The following IDH2 variants were observed in gnomAD, a reference collection of about 807,000 sequenced individuals.
IDH2 encodes the protein isocitrate dehydrogenase (NADP(+)) 2, also known as isocitrate dehydrogenase [NADP], mitochondrial.
A neutral mutation model predicts 50.5 loss-of-function variants in IDH2; 18 were observed. The observed-to-expected ratio is 0.36, with a 90% CI of 0.25 to 0.53. The LOEUF (loss-of-function observed/expected upper bound fraction) is 0.53. IDH2 is among the 20% of genes least tolerant of loss of function. IDH2 has a pLI of 0.92. For synonymous variants in IDH2, 280 were observed against 239.8 expected, an observed-to-expected ratio of 1.17 and a Z score of -1.55; for missense variants, 518 against 610.7, an observed-to-expected ratio of 0.85 and a Z score of 1.60.
At chr15:90,099,743 C>A (rs1360901884) in intron 1 of IDH2, among the ~76,000 whole-genome samples, 2 of 152,150 alleles carry the variant, frequency 1.3e-5, no homozygotes, top group African/African-American at 2.4e-5. Context: ...CAGGTGTAAG[C>A]CACAGTGCCT....
Position 90,085,705 on chromosome 15 carries a change from C to T in IDH2, c.968-318G>A, listed in dbSNP as rs1009119265. On this transcript the variant is annotated intron_variant, in intron 7 of 10. Transcript: ENST00000330062. The surrounding 1 kb of genome is among the most constrained non-coding windows in gnomAD (Gnocchi z 5.5). ...AAGAGGCCACAGAGTCCTGTGGTCC[C>T]CCACAGCCTGCCACCCAGCCTGGCT... 1.3e-5 allele frequency among the ~76,000 whole-genome samples: 2 copies of T among 152,232 alleles called. No individual in the cohort carries two copies. Among genetic ancestry groups the T allele is most frequent in the Non-Finnish European group, 2.9e-5 (2 of 68,046 alleles).
rs1327318340 is a variant in IDH2, at chr15:90,083,973, G to A, written c.*293C>T. ...CCTCCCCTCAGGGACAAACACAGCA[G>A]ACAATTTTGTGAAGAGCTTTTTAGT... is the stretch of plus-strand genomic sequence containing the variant. On this transcript the variant is annotated 3_prime_UTR_variant, in exon 11 of 11. Coordinates refer to ENST00000330062, the MANE Select transcript of IDH2 (RefSeq NM_002168.4). 1.4e-5 allele frequency: 7 copies of A among 491,230 alleles called. No individual in the cohort carries two copies. The highest frequency in any genetic ancestry group is 2.2e-5 in the Non-Finnish European group (6 of 267,392). The allele number at this position is 491,230 out of a possible 1,614,324, so 30.4% of individuals were successfully genotyped here. A position where few individuals can be genotyped will look rare whatever the true frequency, so the allele number is the denominator to read the frequency against.
At position 90,098,694 on chromosome 15, in the gene IDH2, C is replaced by T. The variant is rs1169725235; in HGVS notation, c.115+3582G>A. Among the ~76,000 whole-genome samples the T allele has an allele frequency of 6.6e-6, 1 of 152,100 alleles. No homozygotes were observed. The highest frequency in any genetic ancestry group is 1.5e-5 in the Non-Finnish European group (1 of 68,028). ...GAGTAGCTGGGACTACAGGCGCCTG[C>T]CACCACACCCAGCTAATTTTTGTAT... On this transcript the variant is annotated intron_variant, in intron 1 of 10. Coordinates refer to ENST00000330062, the MANE Select transcript of IDH2 (RefSeq NM_002168.4). This position sits in a 1 kb window ranked among gnomAD's most constrained non-coding sequence, Gnocchi z 5.1.
intron 5 of IDH2, 101 bp from the exon 6 acceptor site, chr15:90,087,676 C>A (rs1423240343): frequency 2.9e-6 from 4 of 1,381,522 alleles, no homozygotes; most frequent in South Asian, 2.3e-5. Flanking sequence ...AGGAACGGTA[C>A]CCCGCCGCCC....
At chr15:90,091,509 G>T in intron 2 of IDH2, 44 bp downstream of exon 2, 1 of 1,481,092 alleles carries the variant, frequency 6.8e-7, no homozygotes. Flanking sequence ...ACAATCCCTG[G>T]CCAGCCCACC....
rs200994809 is a variant in IDH2 at position 90,090,540 on chromosome 15, G to A, written c.312C>T (p.Thr104=). The A allele has an allele frequency of 4.8e-4, 773 of 1,614,164 alleles. 17 individuals carry two copies. In the East Asian group the frequency reaches 0.017, roughly 36 times the overall value. Residue 104 remains threonine, a synonymous_variant, in exon 3 of 11, where the codon ACC becomes ACT. Coordinates refer to ENST00000330062, the MANE Select transcript of IDH2 (RefSeq NM_002168.4). ...ACTTGACAGCCACACTGTACTTCTG[G>A]GTGGCCAGTGCAGAGTCAATGGTGA... ...DQVTIDSALA[T]QKYSVAVKCA... is the part of the protein sequence containing the mutation.
At chr15:90,088,264 G>T in intron 5 of IDH2, 95 bp downstream of exon 5, 3 of 1,485,682 alleles carry the variant, frequency 2.0e-6, no homozygotes, top group Admixed American at 1.7e-5. Context: ...TGTGGCCTAA[G>T]AATGAGGCCA....
At chr15:90,102,125 G>T in intron 1 of IDH2, 151 bp downstream of exon 1, 1 of 323,310 alleles carries the variant, frequency 3.1e-6, no homozygotes, top group Non-Finnish European at 5.6e-6. Flanking sequence ...GGGGGAGCGC[G>T]GAGCGAAGCT....
At chr15:90,091,988 G>A (rs558951335) in intron 1 of IDH2, among the ~76,000 whole-genome samples, 1 of 152,176 alleles carries the variant, frequency 6.6e-6, no homozygotes. Flanking sequence ...CCTGGGAACT[G>A]CGCACACGAG....
intron 1 of IDH2, among the ~76,000 whole-genome samples, chr15:90,101,174 C>A (rs747255553): frequency 9.9e-5 from 15 of 152,148 alleles, no homozygotes; most frequent in South Asian, 2.1e-4. Flanking sequence ...CCTCCCTACC[C>A]CCCCGGCTCT....
Position 90,102,316 on chromosome 15 carries a change from G to A in IDH2, c.75C>T (p.Ala25=), listed in dbSNP as rs754996897. The A allele has an allele frequency of 8.3e-5, 113 of 1,357,120 alleles. 1 individual carries two copies. Among genetic ancestry groups the A allele is most frequent in the Non-Finnish European group, 1.0e-4 (108 of 1,044,386 alleles). 84.1% of individuals were successfully genotyped at this position (1,357,120 alleles called of 1,614,324 possible). A position where few individuals can be genotyped will look rare whatever the true frequency, so the allele number is the denominator to read the frequency against. The stretch of plus-strand genomic sequence containing the variant: ...GCTCTTGCGAGGTGGGGGCTGTCAG[G>A]GCCGCCGGCGCCCAGGCCGGCCGCG... ...SGSRPAWAPA[A]LTAPTSQEQP... is the part of the protein sequence containing the mutation. Residue 25 remains alanine (A), a synonymous_variant, in exon 1 of 11, where the codon GCC becomes GCT. Transcript: ENST00000330062.
chr15:90,085,501 C>T lies in IDH2; in HGVS notation c.968-114G>A. Reference sequence around the variant, plus strand: ...AGCTGCCATAGTTCGTGGCTCTACTCAGCCTCCCCCAGCTGCAACTGGGAG... The same window carrying T: ...AGCTGCCATAGTTCGTGGCTCTACTTAGCCTCCCCCAGCTGCAACTGGGAG... On this transcript the variant is annotated intron_variant, in intron 7 of 10. Transcript: ENST00000330062. The surrounding 1 kb of genome is among the most constrained non-coding windows in gnomAD (Gnocchi z 5.5). The T allele has an allele frequency of 1.3e-6, 1 of 759,894 alleles. No individual in the cohort carries two copies. Among genetic ancestry groups the T allele is most frequent in the Admixed American group, 2.0e-5 (1 of 49,962 alleles). The allele number at this position is 759,894 out of a possible 1,614,324, so 47.1% of individuals were successfully genotyped here.
intron 1 of IDH2, among the ~76,000 whole-genome samples, chr15:90,096,749 C>T (rs946494743): frequency 6.6e-6 from 1 of 152,016 alleles, no homozygotes; most frequent in Non-Finnish European, 1.5e-5. Flanking sequence ...CCTGACTCTA[C>T]TAAAAATACA....
chr15:90,089,630 G>A (rs1401327808), intron 3 of IDH2, among the ~76,000 whole-genome samples: 7 of 152,322 alleles, frequency 4.6e-5, no homozygotes, highest in African/African-American at 1.7e-4. Flanking sequence ...TGCAGGACAG[G>A]GGCAGGCCTG....
At chr15:90,089,601 C>T (rs1317504179) in intron 3 of IDH2, among the ~76,000 whole-genome samples, 1 of 152,238 alleles carries the variant, frequency 6.6e-6, no homozygotes, top group Admixed American at 6.5e-5. Flanking sequence ...GATCCCAGTG[C>T]TGTGGGTCAG....
In IDH2 at chr15:90,098,706, G is replaced by A. The variant is rs967295451; in HGVS notation, c.115+3570C>T. Among the ~76,000 whole-genome samples, 4 of 152,106 alleles carry A rather than the reference G, an allele frequency of 2.6e-5. No individual in the cohort carries two copies. The East Asian group carries it at 7.7e-4, about 29-fold the overall frequency. On this transcript the variant is annotated intron_variant, in intron 1 of 10. Coordinates refer to ENST00000330062, the MANE Select transcript of IDH2 (RefSeq NM_002168.4). The surrounding 1 kb of genome is among the most constrained non-coding windows in gnomAD (Gnocchi z 5.1). ...CTACAGGCGCCTGCCACCACACCCA[G>A]CTAATTTTTGTATTTTTAGTAGAGA...
At chr15:90,092,941 C>T (rs564194381) in intron 1 of IDH2, among the ~76,000 whole-genome samples, 3 of 152,300 alleles carry the variant, frequency 2.0e-5, no homozygotes, top group Admixed American at 6.5e-5. Context: ...CTGGACTCCC[C>T]ACCCCACCCC....
chr15:90,095,866 C>T lies in IDH2; in HGVS notation c.116-4222G>A, dbSNP rs1030815072. 2.6e-5 allele frequency among the ~76,000 whole-genome samples: 4 copies of T among 152,230 alleles called. No homozygotes were observed. In the East Asian group the frequency reaches 7.7e-4, roughly 29 times the overall value. ...GCAAACATCCCAGGGGAACTGAGAACAGCAACATGAGCCAAGGCCAGCAGA... is the reference window on the plus strand; with the variant it reads ...GCAAACATCCCAGGGGAACTGAGAATAGCAACATGAGCCAAGGCCAGCAGA... On this transcript the variant is annotated intron_variant, in intron 1 of 10. Transcript: ENST00000330062.
At chr15:90,092,220 C>T (rs545991770) in intron 1 of IDH2, among the ~76,000 whole-genome samples, 66 of 152,248 alleles carry the variant, frequency 4.3e-4, no homozygotes, top group African/African-American at 1.5e-3. Context: ...ATCCCAAAAC[C>T]ATCCCCGCTG....
Sources: allele counts gnomAD v4.1 joint callset (sites outside exome capture counted in the v4.1 genomes callset), GRCh38; gene constraint gnomAD v4.1.1; non-coding constraint Gnocchi (gnomAD v3.1); transcripts MANE v1.5; gene names NCBI Gene and HGNC (gene_info 2026-07-23, HGNC 2026-07-21).